Variants in ATF7IP observed in about 807,000 individuals in gnomAD.
ATF7IP encodes activating transcription factor 7-interacting protein 1.
ATF7IP carries 23 observed loss-of-function variants against 106.4 expected under a neutral mutation model. That is an observed-to-expected ratio of 0.22 (90% confidence interval 0.16 to 0.31). The LOEUF (loss-of-function observed/expected upper bound fraction) is 0.31. ATF7IP is among the 10% of genes least tolerant of loss of function. ATF7IP has a pLI of 1.00. For missense variants in ATF7IP, 1,334 were observed against 1,524.3 expected, an observed-to-expected ratio of 0.88 and a Z score of 2.08; for synonymous variants, 542 against 539.0, an observed-to-expected ratio of 1.01 and a Z score of -0.08.
intron 1 of ATF7IP, among the ~76,000 whole-genome samples, chr12:14,370,940 C>G (rs1421063726): frequency 6.6e-6 from 1 of 150,962 alleles, no homozygotes; most frequent in Non-Finnish European, 1.5e-5. Flanking sequence ...GAAAAGGTAC[C>G]TTACTCCTTT....
At chr12:14,462,783 A>G (rs1943692652) in intron 9 of ATF7IP, among the ~76,000 whole-genome samples, 1 of 152,020 alleles carries the variant, frequency 6.6e-6, no homozygotes, top group Non-Finnish European at 1.5e-5. Context: ...TAATTGGTAT[A>G]GCATTCTGAG....
At chr12:14,491,036 C>T (rs538676480) in intron 13 of ATF7IP, among the ~76,000 whole-genome samples, 1 of 152,284 alleles carries the variant, frequency 6.6e-6, no homozygotes, top group Admixed American at 6.5e-5. Flanking sequence ...GTCCTGGAGG[C>T]CTCCACCGTG....
chr12:14,405,634 C>T (rs183102780), intron 1 of ATF7IP, among the ~76,000 whole-genome samples: 1 of 152,044 alleles, frequency 6.6e-6, no homozygotes, highest in East Asian at 1.9e-4. Flanking sequence ...CCAGGCTCAT[C>T]TTGAACTTCT....
At chr12:14,376,831 C>T (rs925275126) in intron 1 of ATF7IP, among the ~76,000 whole-genome samples, 14 of 152,066 alleles carry the variant, frequency 9.2e-5, no homozygotes, top group African/African-American at 3.4e-4. Context: ...GAGGCTGAGG[C>T]AGGAGAATCG....
Position 14,498,160 on chromosome 12 carries a change from C to A in ATF7IP, c.*87C>A. On this transcript the variant is annotated 3_prime_UTR_variant, in exon 15 of 15. Coordinates refer to ENST00000261168, the MANE Select transcript of ATF7IP (RefSeq NM_018179.5). ...TTGTGCATGATACCCCATGTAAAAT[C>A]CACCTTGTGCAAGATTTCTTGGACA... is the stretch of plus-strand genomic sequence containing the variant. 7.7e-7 allele frequency: 1 copy of A among 1,294,198 alleles called. No homozygotes were observed. Among genetic ancestry groups the A allele is most frequent in the Non-Finnish European group, 1.1e-6 (1 of 942,736 alleles). The allele number at this position is 1,294,198 out of a possible 1,614,324, so 80.2% of individuals were successfully genotyped here.
chr12:14,451,101 ATTTAC>A (rs1250122436), intron 6 of ATF7IP, among the ~76,000 whole-genome samples: 1 of 151,604 alleles, frequency 6.6e-6, no homozygotes, highest in East Asian at 1.9e-4. Context: ...TTATTTATTT[ATTTAC>A]TTTTAATAAT....
chr12:14,389,847 C>T (rs1036778704), intron 1 of ATF7IP, among the ~76,000 whole-genome samples: 1 of 152,176 alleles, frequency 6.6e-6, no homozygotes, highest in Non-Finnish European at 1.5e-5. Flanking sequence ...TGGTCTTGAA[C>T]TCCTGACCTT....
rs1331507388 is a variant in ATF7IP, at chr12:14,424,376, C to G, written c.461C>G (p.Ser154Cys). Residue 154 changes from serine (S) to cysteine (C), a missense_variant, in exon 2 of 15, where the codon TCC becomes TGC. Around this residue, in one of 10 missense-constraint regions of ATF7IP, gnomAD observed 438 missense variants for 405.3 expected, o/e 1.08. Coordinates refer to ENST00000261168, the MANE Select transcript of ATF7IP (RefSeq NM_018179.5). ...PASGVLASGD[S>C]TSGDPTSSEP... The stretch of plus-strand genomic sequence containing the variant: ...TCCGGAGTACTGGCCTCTGGTGATT[C>G]CACCTCTGGTGATCCCACCTCTAGC... The G allele has an allele frequency of 6.2e-7, 1 of 1,612,930 alleles. No individual in the cohort carries two copies. Among genetic ancestry groups the G allele is most frequent in the South Asian group, 1.1e-5 (1 of 91,012 alleles).
At chr12:14,494,050 C>G (rs907875597) in intron 13 of ATF7IP, among the ~76,000 whole-genome samples, 5 of 151,796 alleles carry the variant, frequency 3.3e-5, no homozygotes, top group African/African-American at 9.7e-5. Context: ...TCAGGAGTGT[C>G]AAATGCATTT....
chr12:14,485,563 G>C (rs1944577313), intron 13 of ATF7IP, among the ~76,000 whole-genome samples: 1 of 152,126 alleles, frequency 6.6e-6, no homozygotes, highest in Non-Finnish European at 1.5e-5. Context: ...TCTTCCAGGA[G>C]CAAAAACCGA....
rs114721880 is a variant in ATF7IP, at chr12:14,475,761, C to A, written c.2863-129C>A. 2,423 of 613,766 alleles carry A rather than the reference C, an allele frequency of 3.9e-3. 27 individuals carry two copies. Among genetic ancestry groups the A allele is most frequent in the African/African-American group, 0.026 (1,379 of 53,052 alleles). 38.0% of individuals were successfully genotyped at this position (613,766 alleles called of 1,614,324 possible). ...CTGACAAACTCTCTTTATTCAGGTA[C>A]AGCCATTTAAGGGTCCAGATTGAAC... is the stretch of plus-strand genomic sequence containing the variant. On this transcript the variant is annotated intron_variant, in intron 10 of 14. Transcript: ENST00000261168.
At chr12:14,469,805 A>G (rs1322356005) in intron 10 of ATF7IP, among the ~76,000 whole-genome samples, 1 of 152,224 alleles carries the variant, frequency 6.6e-6, no homozygotes, top group Non-Finnish European at 1.5e-5. Flanking sequence ...TGAAGTTCAG[A>G]GAGATCAGGC....
chr12:14,456,818 A>C (rs1218998790), intron 7 of ATF7IP, among the ~76,000 whole-genome samples, 184 bp downstream of exon 7: 1 of 152,136 alleles, frequency 6.6e-6, no homozygotes, highest in Non-Finnish European at 1.5e-5. Context: ...ACTTTTGCTA[A>C]CTTATTATAA....
chr12:14,407,153 C>G (rs1477460170), intron 1 of ATF7IP, among the ~76,000 whole-genome samples: 1 of 152,046 alleles, frequency 6.6e-6, no homozygotes, highest in East Asian at 1.9e-4. Context: ...TATATGAATT[C>G]ATTTTGCATT....
intron 4 of ATF7IP, among the ~76,000 whole-genome samples, 165 bp downstream of exon 4, chr12:14,436,416 A>G (rs1363903398): frequency 6.6e-6 from 1 of 152,204 alleles, no homozygotes; most frequent in Non-Finnish European, 1.5e-5. Flanking sequence ...TACTGGCCAG[A>G]TGTGGTGGAT....
At chr12:14,440,368 G>A (rs887543112) in intron 5 of ATF7IP, among the ~76,000 whole-genome samples, 3 of 152,044 alleles carry the variant, frequency 2.0e-5, no homozygotes, top group African/African-American at 7.2e-5. Context: ...TATAGTCCAA[G>A]TTCCTCAATT....
intron 1 of ATF7IP, among the ~76,000 whole-genome samples, chr12:14,421,040 G>C (rs1485095791): frequency 6.6e-6 from 1 of 152,148 alleles, no homozygotes; most frequent in Non-Finnish European, 1.5e-5. Context: ...ACATCCTTGT[G>C]CTCTTTTGTT....
In ATF7IP at chr12:14,423,560, A is replaced by C. The variant is rs1438682092; in HGVS notation, c.-7-349A>C. Among the ~76,000 whole-genome samples the C allele has an allele frequency of 1.4e-4, 5 of 35,412 alleles. No individual in the cohort carries two copies. In the South Asian group the frequency reaches 3.4e-3, roughly 24 times the overall value. The allele number at this position is 35,412 out of a possible 152,430, so 23.2% of individuals were successfully genotyped here. ...TCTTACACTTTTATTTTTCTTTCTC[A>C]TTTTCTTCAGGTACTTTTTTTTTTT... On this transcript the variant is annotated intron_variant, in intron 1 of 14. Transcript: ENST00000261168.
At chr12:14,383,471 C>A (rs1939081954) in intron 1 of ATF7IP, among the ~76,000 whole-genome samples, 1 of 152,180 alleles carries the variant, frequency 6.6e-6, no homozygotes, top group Admixed American at 6.5e-5. Context: ...TTCCCCACCC[C>A]CCAATTAAAC....
Sources: gnomAD v4.1 joint callset for allele counts (sites outside exome capture counted in the v4.1 genomes callset) on GRCh38, gnomAD v4.1.1 for gene constraint, gnomAD v4.1.1 regional missense constraint, MANE v1.5 for transcripts, NCBI Gene and HGNC (gene_info 2026-07-23, HGNC 2026-07-21) for gene names.